Variants in USP36 observed in about 807,000 individuals in gnomAD.
USP36 encodes the protein ubiquitin carboxyl-terminal hydrolase 36.
USP36 carries 59 observed loss-of-function variants against 111.5 expected under a neutral mutation model. That is an observed-to-expected ratio of 0.53 (90% CI 0.43 to 0.66). USP36 has a LOEUF of 0.66. USP36 is among the 30% of genes least tolerant of loss of function. The pLI is 0.00. For missense variants in USP36, 1,488 were observed against 1,468.0 expected (o/e 1.01, Z -0.22); for synonymous variants, 628 against 581.0 (o/e 1.08, Z -1.16).
chr17:78,829,898 G>A (rs1171653966), intron 4 of USP36, among the ~76,000 whole-genome samples: 1 of 152,134 alleles, frequency 6.6e-6, no homozygotes, highest in Non-Finnish European at 1.5e-5. Context: ...GTGCCACCAT[G>A]CCAGGCTAAT....
Position 78,797,585 on chromosome 17 carries a change from C to G in USP36, c.*315G>C, listed in dbSNP as rs545727883. On this transcript the variant is annotated 3_prime_UTR_variant, in exon 21 of 21. Coordinates refer to ENST00000449938, the MANE Select transcript of USP36 (RefSeq NM_001385174.1). ...CCAGGGGCAGCAGCCTCTGCCAGCA[C>G]AGACCACTGTCTATGAAACATGAGA... is the stretch of plus-strand genomic sequence containing the variant. 1 of 152,554 alleles carries G rather than the reference C, an allele frequency of 6.6e-6. No individual in the cohort carries two copies. Among genetic ancestry groups the G allele is most frequent in the East Asian group, 1.9e-4 (1 of 5,194 alleles). 9.5% of individuals were successfully genotyped at this position (152,554 alleles called of 1,614,324 possible). A position where few individuals can be genotyped will look rare whatever the true frequency, so the allele number is the denominator to read the frequency against.
chr17:78,812,255 C>G (rs1293834826), intron 13 of USP36, among the ~76,000 whole-genome samples: 1 of 152,178 alleles, frequency 6.6e-6, no homozygotes, highest in African/African-American at 2.4e-5. Context: ...TTGCTTGGCA[C>G]ACCTGTCACG....
chr17:78,788,887 G>A (rs1443672221), intron 3 of USP36, among the ~76,000 whole-genome samples: 1 of 152,036 alleles, frequency 6.6e-6, no homozygotes, highest in Non-Finnish European at 1.5e-5. Context: ...AGATGTCTGG[G>A]GACAATGCTG....
In USP36 at chr17:78,812,909, G is replaced by C; in HGVS notation, c.1358C>G (p.Ser453Cys). 1.2e-6 allele frequency: 2 copies of C among 1,613,806 alleles called. No homozygotes were observed. Among genetic ancestry groups the C allele is most frequent in the Non-Finnish European group, 8.5e-7 (1 of 1,179,988 alleles). ...PGRPSVIPDHSKKNIGNGIIS... is the reference protein window; with the variant it reads ...PGRPSVIPDHCKKNIGNGIIS... ...AATCCCATTGCCGATGTTCTTCTTG[G>C]AGTGATCTGGAATCACACTCGGGCG... The change falls in exon 13 of 21, where the codon TCC becomes TGC. Residue 453 changes from serine (S) to cysteine (C), a missense_variant. Transcript: ENST00000449938.
At position 78,814,602 on chromosome 17, in the gene USP36, A is replaced by G; in HGVS notation, c.1024-50T>C. ...CAAATAAAATTCACTTTGAGAGTAA[A>G]GATCAATTTGCCCTTTCCATCCACA... is the stretch of plus-strand genomic sequence containing the variant. On this transcript the variant is annotated intron_variant, in intron 10 of 20. Coordinates refer to ENST00000449938, the MANE Select transcript of USP36 (RefSeq NM_001385174.1). 3 of 1,591,990 alleles carry G rather than the reference A, an allele frequency of 1.9e-6. No individual in the cohort carries two copies. The South Asian group carries it at 3.4e-5, about 18-fold the overall frequency.
Position 78,803,935 on chromosome 17 carries a change from G to A in USP36, c.2260C>T (p.Pro754Ser). ...AGCAATGTGGGGTGGGGGCTGAAGG[G>A]GGGTTGCAGGCGGCTGGATGATTGG... Reference protein sequence around the residue: ...APQSSSRLQPPFSPHPTLLSS... With the variant: ...APQSSSRLQPSFSPHPTLLSS... The change falls in exon 16 of 21, where the codon CCC becomes TCC. Residue 754 changes from proline to serine, a missense_variant. Coordinates refer to ENST00000449938, the MANE Select transcript of USP36 (RefSeq NM_001385174.1). The surrounding 1 kb of genome is among the most constrained non-coding windows in gnomAD (Gnocchi z 4.6). 2.5e-6 allele frequency: 4 copies of A among 1,603,786 alleles called. No homozygotes were observed. The highest frequency in any genetic ancestry group is 2.5e-6 in the Non-Finnish European group (3 of 1,177,098).
chr17:78,824,953 C>A (rs1313974444), intron 6 of USP36, among the ~76,000 whole-genome samples: 1 of 152,202 alleles, frequency 6.6e-6, no homozygotes, highest in African/African-American at 2.4e-5. Context: ...AAGCAACGAT[C>A]CTCAATGAAG....
chr17:78,807,020 G>A lies in USP36; in HGVS notation c.2024C>T (p.Thr675Ile), dbSNP rs767385597. The A allele has an allele frequency of 1.1e-5, 17 of 1,614,132 alleles. No homozygotes were observed. The highest frequency in any genetic ancestry group is 1.4e-5 in the Non-Finnish European group (17 of 1,180,064). ...LKSPVLSNTTTEPASTMSPPP... is the reference protein window; with the variant it reads ...LKSPVLSNTTIEPASTMSPPP... ...AGGAGACATGGTGCTTGCAGGCTCA[G>A]TGGTGGTGTTGCTCAGGACAGGGGA... Residue 675 changes from threonine to isoleucine, a missense_variant, in exon 14 of 21, where the codon ACT (threonine) becomes ATT (isoleucine). Transcript: ENST00000449938.
At chr17:78,817,220 T>C (rs914059863) in intron 10 of USP36, among the ~76,000 whole-genome samples, 16 of 152,218 alleles carry the variant, frequency 1.1e-4, no homozygotes, top group Admixed American at 1.0e-3. Context: ...TCTACGTCTG[T>C]GTAAATGCAC....
intron 15 of USP36, among the ~76,000 whole-genome samples, chr17:78,805,504 C>T (rs1045974461): frequency 3.3e-5 from 5 of 152,116 alleles, no homozygotes; most frequent in East Asian, 3.9e-4. Context: ...CCCCGCAGGC[C>T]GCCTCATGAC....
chr17:78,790,351 C>A (rs1034190583), intron 3 of USP36, among the ~76,000 whole-genome samples: 1 of 152,076 alleles, frequency 6.6e-6, no homozygotes, highest in Non-Finnish European at 1.5e-5. Flanking sequence ...AGCACAATGG[C>A]GCGGTCTCAG....
At chr17:78,795,026 A>T (rs1384576706), downstream of USP36, among the ~76,000 whole-genome samples, 1 of 151,480 alleles carries the variant, frequency 6.6e-6, no homozygotes, top group African/African-American at 2.4e-5. This position sits in a 1 kb window ranked among gnomAD's most constrained non-coding sequence, Gnocchi z 4.5. Context: ...AAAAAAAAAA[A>T]AAAGTAAAAA....
intron 10 of USP36, among the ~76,000 whole-genome samples, chr17:78,816,858 T>C (rs1375607144): frequency 1.3e-5 from 2 of 152,142 alleles, no homozygotes; most frequent in Non-Finnish European, 2.9e-5. Flanking sequence ...TTTTGACAAG[T>C]ATATACTGAT....
chr17:78,836,291 C>T lies in USP36; in HGVS notation c.73G>A (p.Gly25Arg). The change falls in exon 3 of 21, where the codon GGG becomes AGG. Residue 25 changes from glycine to arginine, a missense_variant. Physicochemically the swap from Gly to Arg is moderately radical, Grantham distance 125 (BLOSUM62 -2). Coordinates refer to ENST00000449938, the MANE Select transcript of USP36 (RefSeq NM_001385174.1). ...RKDSADDGELGKLLASSAKKV... is the reference protein window; with the variant it reads ...RKDSADDGELRKLLASSAKKV... ...TTGGCAGAGGAGGCAAGAAGCTTCC[C>T]CAGTTCTCCATCATCAGCCGAGTCC... 6.2e-7 allele frequency: 1 copy of T among 1,614,150 alleles called. No homozygotes were observed.
chr17:78,802,392 T>A lies in USP36; in HGVS notation c.2954A>T (p.Asp985Val). 1 of 1,610,252 alleles carries A rather than the reference T, an allele frequency of 6.2e-7. No homozygotes were observed. Among genetic ancestry groups the A allele is most frequent in the Non-Finnish European group, 8.5e-7 (1 of 1,178,488 alleles). The change falls in exon 17 of 21, where the codon GAT (aspartate) becomes GTT (valine). Residue 985 changes from aspartate to valine, a missense_variant. By Grantham distance (152) the Asp-to-Val change is radical (BLOSUM62 -3). Coordinates refer to ENST00000449938, the MANE Select transcript of USP36 (RefSeq NM_001385174.1). ...GCTGCTGGACTCGGGGACAACAGCATCTTGGGGCTTGGCACTCCTTGGGCA... is the reference window on the plus strand; with the variant it reads ...GCTGCTGGACTCGGGGACAACAGCAACTTGGGGCTTGGCACTCCTTGGGCA... Reference protein sequence around the residue: ...LKCPRSAKPQDAVVPESSSCA... With the variant: ...LKCPRSAKPQVAVVPESSSCA...
chr17:78,817,686 G>A (rs2094219170), intron 10 of USP36, among the ~76,000 whole-genome samples: 1 of 151,532 alleles, frequency 6.6e-6, no homozygotes, highest in Admixed American at 6.6e-5. Flanking sequence ...CCCAGAAGGT[G>A]GAGACAGCGC....
At chr17:78,795,344 A>G (rs2093614288), downstream of USP36, among the ~76,000 whole-genome samples, 1 of 152,256 alleles carries the variant, frequency 6.6e-6, no homozygotes, top group African/African-American at 2.4e-5. The surrounding 1 kb of genome is among the most constrained non-coding windows in gnomAD (Gnocchi z 4.5). Flanking sequence ...TGGGGTGGAG[A>G]AAGCTTACTT....
chr17:78,806,431 G>A (rs2093903758), intron 14 of USP36, 145 bp from the exon 15 acceptor site: 1 of 1,018,592 alleles, frequency 9.8e-7, no homozygotes, highest in Admixed American at 2.8e-5. Flanking sequence ...ACAAAAAGGG[G>A]AGGTGAGGGG....
At chr17:78,835,145 G>T in intron 4 of USP36, 135 bp downstream of exon 4, 1 of 906,978 alleles carries the variant, frequency 1.1e-6, no homozygotes, top group Non-Finnish European at 1.7e-6. Flanking sequence ...TCAAATTTAG[G>T]TTTCATCAGT....
Sources: gnomAD v4.1 joint callset for allele counts (sites outside exome capture counted in the v4.1 genomes callset) on GRCh38, gnomAD v4.1.1 for gene constraint, Gnocchi (gnomAD v3.1) non-coding constraint, MANE v1.5 for transcripts, NCBI Gene and HGNC (gene_info 2026-07-23, HGNC 2026-07-21) for gene names.